Variants in GALNT14 observed in about 807,000 individuals in gnomAD.
The protein encoded by GALNT14 is polypeptide N-acetylgalactosaminyltransferase 14, also known as UDP-GalNAc:polypeptide N-acetylgalactosaminyltransferase 14.
GALNT14 carries 60 observed loss-of-function variants against 77.5 expected under a neutral mutation model. That is an observed-to-expected ratio of 0.77 (90% CI 0.63 to 0.96). GALNT14 has a LOEUF of 0.96. Among genes scored for constraint, GALNT14 ranks in the 40% least tolerant of loss-of-function variants. GALNT14 has a pLI of 0.00. For synonymous variants in GALNT14, 280 were observed against 281.7 expected, an observed-to-expected ratio of 0.99 and a Z score of 0.06; for missense variants, 710 against 731.0, an observed-to-expected ratio of 0.97 and a Z score of 0.33.
intron 1 of GALNT14, among the ~76,000 whole-genome samples, chr2:31,049,147 T>C (rs1224581504): frequency 6.6e-6 from 1 of 152,214 alleles, no homozygotes; most frequent in Admixed American, 6.5e-5. Flanking sequence ...GCATGCTTTC[T>C]TTGCAGTCCT....
At chr2:30,960,422 C>A (rs756890424) in intron 3 of GALNT14, among the ~76,000 whole-genome samples, 1 of 151,924 alleles carries the variant, frequency 6.6e-6, no homozygotes, top group African/African-American at 2.4e-5. Context: ...AAATCGCGTG[C>A]GGCTCTGCAC....
intron 1 of GALNT14, among the ~76,000 whole-genome samples, chr2:31,067,677 C>A (rs1199185051): frequency 6.6e-6 from 1 of 152,166 alleles, no homozygotes; most frequent in Non-Finnish European, 1.5e-5. Flanking sequence ...AGAGTTGGAG[C>A]CAACTTGCAC....
chr2:30,963,037 T>G (rs1667787894), intron 3 of GALNT14, among the ~76,000 whole-genome samples: 1 of 152,206 alleles, frequency 6.6e-6, no homozygotes, highest in Admixed American at 6.5e-5. Context: ...TGTCTACACA[T>G]GCCTCTCAGG....
At chr2:30,929,886 G>A (rs1164722250) in intron 10 of GALNT14, among the ~76,000 whole-genome samples, 2 of 152,162 alleles carry the variant, frequency 1.3e-5, no homozygotes, top group Non-Finnish European at 2.9e-5. Flanking sequence ...TAGCCTGAAG[G>A]TAATGATATT....
At chr2:31,061,642 C>T (rs1674597820) in intron 1 of GALNT14, among the ~76,000 whole-genome samples, 1 of 152,034 alleles carries the variant, frequency 6.6e-6, no homozygotes, top group South Asian at 2.1e-4. Flanking sequence ...TGACCACTAT[C>T]ACCTCCAGGT....
intron 6 of GALNT14, 77 bp downstream of exon 6, chr2:30,955,541 G>A: frequency 6.5e-7 from 1 of 1,547,698 alleles, no homozygotes; most frequent in South Asian, 1.2e-5. Flanking sequence ...GGTTGCACAT[G>A]TGAAGTAATG....
At chr2:31,011,837 C>T (rs1046534760) in intron 1 of GALNT14, among the ~76,000 whole-genome samples, 10 of 152,334 alleles carry the variant, frequency 6.6e-5, no homozygotes, top group Admixed American at 5.9e-4. Flanking sequence ...TCTGTTTGTA[C>T]TTCAAACAAC....
chr2:31,112,279 G>T (rs941747960), intron 1 of GALNT14, among the ~76,000 whole-genome samples: 2 of 152,202 alleles, frequency 1.3e-5, no homozygotes, highest in African/African-American at 2.4e-5. Context: ...AAAAACCTGT[G>T]CTTGCCAACA....
Position 30,958,481 on chromosome 2 carries a change from G to GA in GALNT14, c.399-18dup, listed in dbSNP as rs767229510. ...TTTAATACACTGCAAGATGGAAACA[G>GA]AAAAAAATCACTGGAACTTCTAGTG... On this transcript the variant is annotated splice_polypyrimidine_tract_variant and intron_variant, in intron 3 of 14. Coordinates refer to ENST00000349752, the MANE Select transcript of GALNT14 (RefSeq NM_024572.4). 33 of 1,609,468 alleles carry GA rather than the reference G, an allele frequency of 2.1e-5. No homozygotes were observed. The highest frequency in any genetic ancestry group is 2.5e-5 in the Non-Finnish European group (29 of 1,177,102).
At chr2:31,075,728 G>A (rs967604994) in intron 1 of GALNT14, among the ~76,000 whole-genome samples, 6 of 152,190 alleles carry the variant, frequency 3.9e-5, no homozygotes, top group African/African-American at 1.4e-4. Context: ...ATTGATGATT[G>A]AATCACACAT....
At chr2:30,943,193 C>G (rs1042721633) in intron 8 of GALNT14, among the ~76,000 whole-genome samples, 8 of 152,178 alleles carry the variant, frequency 5.3e-5, no homozygotes, top group Admixed American at 1.3e-4. Flanking sequence ...GCAGCCCTAG[C>G]AAACTCACAC....
chr2:31,033,542 T>A (rs1268010968), intron 1 of GALNT14, among the ~76,000 whole-genome samples: 2 of 152,202 alleles, frequency 1.3e-5, no homozygotes, highest in Non-Finnish European at 2.9e-5. Flanking sequence ...CTCCTGTGTG[T>A]AGTTAACACA....
intron 1 of GALNT14, among the ~76,000 whole-genome samples, chr2:31,072,698 G>A (rs558418151): frequency 2.0e-5 from 3 of 152,130 alleles, no homozygotes; most frequent in Non-Finnish European, 2.9e-5. Context: ...GACTTCCCTC[G>A]AAGCCTTCTA....
intron 3 of GALNT14, among the ~76,000 whole-genome samples, chr2:30,965,402 G>A (rs974190950): frequency 1.3e-5 from 2 of 151,504 alleles, no homozygotes; most frequent in African/African-American, 4.8e-5. Flanking sequence ...GGTAGATACT[G>A]CTGGTGGCCT....
chr2:31,080,493 C>A (rs1325320010), intron 1 of GALNT14, among the ~76,000 whole-genome samples: 1 of 152,146 alleles, frequency 6.6e-6, no homozygotes, highest in Non-Finnish European at 1.5e-5. Flanking sequence ...TGTACAAGTC[C>A]AACAAAGGTC....
chr2:31,116,483 G>A (rs981785300), intron 1 of GALNT14, among the ~76,000 whole-genome samples: 13 of 152,012 alleles, frequency 8.6e-5, no homozygotes, highest in African/African-American at 2.4e-4. Context: ...CAGGACAGAC[G>A]ATATTAACAC....
At chr2:30,934,544 T>C (rs781472973) in intron 9 of GALNT14, among the ~76,000 whole-genome samples, 7 of 152,136 alleles carry the variant, frequency 4.6e-5, no homozygotes, top group Admixed American at 6.6e-5. Flanking sequence ...CCTGGGCCTC[T>C]ACCCCATGCC....
intron 1 of GALNT14, among the ~76,000 whole-genome samples, chr2:30,994,348 G>C (rs1669894070): frequency 6.6e-6 from 1 of 152,198 alleles, no homozygotes; most frequent in African/African-American, 2.4e-5. Context: ...GCCCAGGGCA[G>C]GCTCCACAGA....
At chr2:31,060,682 G>A (rs1240001168) in intron 1 of GALNT14, among the ~76,000 whole-genome samples, 1 of 152,186 alleles carries the variant, frequency 6.6e-6, no homozygotes, top group African/African-American at 2.4e-5. Flanking sequence ...GTGCAGCTGG[G>A]GTGATGTGTT....
Sources: gnomAD v4.1 joint callset for allele counts (sites outside exome capture counted in the v4.1 genomes callset) on GRCh38, gnomAD v4.1.1 for gene constraint, MANE v1.5 for transcripts, NCBI Gene and HGNC (gene_info 2026-07-23, HGNC 2026-07-21) for gene names.